The following OXR1 variants were observed in gnomAD, a reference collection of about 807,000 sequenced individuals.
OXR1 encodes oxidation resistance 1, also known as oxidation resistance protein 1.
Under a neutral mutation model 104.6 loss-of-function variants are expected in OXR1, and 41 were observed. The observed-to-expected ratio is 0.39, with a 90% CI of 0.31 to 0.51. The LOEUF (loss-of-function observed/expected upper bound fraction) is 0.51. Among genes scored for constraint, OXR1 ranks in the 20% least tolerant of loss-of-function variants. The pLI is 0.77. For synonymous variants in OXR1, 348 were observed against 348.4 expected (o/e 1.00, Z 0.01); for missense variants, 955 against 1,031.9 (o/e 0.93, Z 1.02).
At chr8:106,384,076 G>T (rs942605078) in intron 2 of OXR1, among the ~76,000 whole-genome samples, 4 of 152,114 alleles carry the variant, frequency 2.6e-5, no homozygotes, top group Admixed American at 6.6e-5. Flanking sequence ...AGAGTAGGGG[G>T]CTCATTTCTA....
At chr8:106,287,838 G>T (rs936503208) in intron 1 of OXR1, among the ~76,000 whole-genome samples, 2 of 152,170 alleles carry the variant, frequency 1.3e-5, no homozygotes, top group Non-Finnish European at 2.9e-5. Flanking sequence ...TTTGGTGTTT[G>T]CTTCCAATAC....
intron 1 of OXR1, among the ~76,000 whole-genome samples, chr8:106,358,059 A>G (rs1816057107): frequency 6.6e-6 from 1 of 152,190 alleles, no homozygotes; most frequent in African/African-American, 2.4e-5. Context: ...AATAAAATGT[A>G]GGCAGAAATG....
chr8:106,666,116 A>G (rs1826295609), intron 3 of OXR1, among the ~76,000 whole-genome samples: 1 of 152,224 alleles, frequency 6.6e-6, no homozygotes, highest in Non-Finnish European at 1.5e-5. Flanking sequence ...CAAGTTAGTA[A>G]AAGCACTTCT....
At chr8:106,422,495 A>G (rs1195219718) in intron 2 of OXR1, among the ~76,000 whole-genome samples, 1 of 150,908 alleles carries the variant, frequency 6.6e-6, no homozygotes. Flanking sequence ...TCATTATACT[A>G]AATAATATTT....
intron 2 of OXR1, among the ~76,000 whole-genome samples, chr8:106,454,094 A>G (rs188592191): frequency 6.6e-6 from 1 of 152,358 alleles, no homozygotes; most frequent in African/African-American, 2.4e-5. Context: ...TAATTATTAC[A>G]ACTTTACATT....
chr8:106,325,437 T>A (rs1408022881), intron 1 of OXR1, among the ~76,000 whole-genome samples: 2 of 152,186 alleles, frequency 1.3e-5, no homozygotes, highest in Admixed American at 6.5e-5. Flanking sequence ...ATTTCCTAGT[T>A]TTTTTATCCC....
At chr8:106,311,795 A>G (rs1813712806) in intron 1 of OXR1, among the ~76,000 whole-genome samples, 2 of 151,926 alleles carry the variant, frequency 1.3e-5, no homozygotes, top group Admixed American at 1.3e-4. Flanking sequence ...TTAATTGGCT[A>G]TTTCTCTTCC....
At chr8:106,570,934 C>T (rs1817427642) in intron 3 of OXR1, among the ~76,000 whole-genome samples, 2 of 151,976 alleles carry the variant, frequency 1.3e-5, no homozygotes, top group African/African-American at 2.4e-5. Flanking sequence ...CCATTCTATA[C>T]CAGTAATGCA....
chr8:106,523,914 A>G (rs1270443593), intron 3 of OXR1, among the ~76,000 whole-genome samples: 4 of 151,896 alleles, frequency 2.6e-5, no homozygotes, highest in African/African-American at 9.7e-5. Context: ...AGCTGGGACT[A>G]CAGGCGCCCA....
chr8:106,661,834 A>G (rs750958044), intron 3 of OXR1, among the ~76,000 whole-genome samples: 3 of 152,198 alleles, frequency 2.0e-5, no homozygotes, highest in Non-Finnish European at 2.9e-5. Flanking sequence ...TATTCAATTT[A>G]TATCTCCATT....
intron 2 of OXR1, among the ~76,000 whole-genome samples, chr8:106,363,947 T>C (rs1435893564): frequency 6.6e-6 from 1 of 152,116 alleles, no homozygotes; most frequent in African/African-American, 2.4e-5. Context: ...CTTTTTTTTT[T>C]CAGTTTTAGA....
At chr8:106,744,135 G>A (rs546306069) in intron 15 of OXR1, among the ~76,000 whole-genome samples, 74 of 152,298 alleles carry the variant, frequency 4.9e-4, no homozygotes, top group African/African-American at 1.7e-3. Context: ...GATCTGTGCA[G>A]CAAACCACTG....
intron 1 of OXR1, among the ~76,000 whole-genome samples, chr8:106,277,381 A>G (rs925373869): frequency 6.6e-6 from 1 of 152,180 alleles, no homozygotes; most frequent in African/African-American, 2.4e-5. Flanking sequence ...TGACATAAGC[A>G]AGTAAAGATG....
chr8:106,512,049 T>C (rs1812567155), intron 2 of OXR1, among the ~76,000 whole-genome samples: 1 of 152,218 alleles, frequency 6.6e-6, no homozygotes, highest in Non-Finnish European at 1.5e-5. Flanking sequence ...AGCAAACATT[T>C]ATACGATACT....
At chr8:106,312,672 T>G (rs1438710128) in intron 1 of OXR1, among the ~76,000 whole-genome samples, 1 of 152,210 alleles carries the variant, frequency 6.6e-6, no homozygotes, top group Non-Finnish European at 1.5e-5. Context: ...CTATATGAAT[T>G]AAGTCTTATG....
At chr8:106,484,786 C>CA (rs893568978) in intron 2 of OXR1, among the ~76,000 whole-genome samples, 29 of 150,270 alleles carry the variant, frequency 1.9e-4, no homozygotes, top group African/African-American at 3.4e-4. Context: ...AAAACAAAAA[C>CA]AAAAAAAAAC....
chr8:106,596,565 T>G (rs142469728), intron 3 of OXR1, among the ~76,000 whole-genome samples: 1 of 152,256 alleles, frequency 6.6e-6, no homozygotes, highest in Non-Finnish European at 1.5e-5. Flanking sequence ...GAAGTAAAAT[T>G]GAAGCAGGTT....
rs537398981 is a variant in OXR1, at chr8:106,574,940, C to T, written c.220+55801C>T. Among the ~76,000 whole-genome samples the T allele has an allele frequency of 1.2e-4, 18 of 152,166 alleles. No individual in the cohort carries two copies. In the South Asian group the frequency reaches 1.5e-3, roughly 12 times the overall value. On this transcript the variant is annotated intron_variant, in intron 3 of 16. Coordinates refer to ENST00000517566, the MANE Select transcript of OXR1 (RefSeq NM_001198533.2). The stretch of plus-strand genomic sequence containing the variant: ...CTACAATTCCGTTAGCCAGAGATAA[C>T]CATTAAGTTATCTTTAGTTGGTTTT...
At chr8:106,383,298 G>C (rs72678545) in intron 2 of OXR1, among the ~76,000 whole-genome samples, 1 of 152,114 alleles carries the variant, frequency 6.6e-6, no homozygotes, top group African/African-American at 2.4e-5. Context: ...GTTTCACATA[G>C]TTAACATCAT....
Sources: gnomAD v4.1 joint callset for allele counts (sites outside exome capture counted in the v4.1 genomes callset) on GRCh38, gnomAD v4.1.1 for gene constraint, MANE v1.5 for transcripts, NCBI Gene and HGNC (gene_info 2026-07-23, HGNC 2026-07-21) for gene names.